GLIS3: variants seen among roughly 807,000 people sequenced by gnomAD.
The protein encoded by GLIS3 is GLIS family zinc finger 3.
GLIS3 carries 53 observed loss-of-function variants against 78.6 expected under a neutral mutation model. The observed-to-expected ratio is 0.67, with a 90% CI of 0.54 to 0.85. GLIS3 has a LOEUF of 0.85. Ranked by LOEUF, GLIS3 falls within the 40% of genes least tolerant of loss-of-function variation. The pLI, the probability that GLIS3 is intolerant of heterozygous loss-of-function variation, is 0.00. For missense variants in GLIS3, 1,703 were observed against 1,231.1 expected, an observed-to-expected ratio of 1.38 and a Z score of -5.74; for synonymous variants, 684 against 509.9, an observed-to-expected ratio of 1.34 and a Z score of -4.60.
At chr9:4,376,823 G>T in the GLIS3 span, among the ~76,000 whole-genome samples, 1 of 135,360 alleles carries the variant, frequency 7.4e-6, no homozygotes, top group African/African-American at 2.6e-5. Context: ...GTTCTGGTGG[G>T]AGAGTATACA....
chr9:4,080,932 G>A (rs553714496), intron 4 of GLIS3, among the ~76,000 whole-genome samples: 1 of 152,278 alleles, frequency 6.6e-6, no homozygotes, highest in African/African-American at 2.4e-5. Flanking sequence ...TGTTTGAGGT[G>A]GGTCTGCTTA....
the GLIS3 span, among the ~76,000 whole-genome samples, chr9:4,456,191 C>G: frequency 1.3e-5 from 2 of 152,182 alleles, no homozygotes; most frequent in African/African-American, 4.8e-5. Flanking sequence ...AATGCACAAA[C>G]TTTAATTTTA....
intron 2 of GLIS3, among the ~76,000 whole-genome samples, chr9:4,336,200 C>T (rs908915120): frequency 6.6e-6 from 1 of 152,230 alleles, no homozygotes; most frequent in African/African-American, 2.4e-5. Flanking sequence ...TCTTGGGAGT[C>T]TCCAAAAAGC....
chr9:3,952,245 G>T (rs1360459748), intron 4 of GLIS3, among the ~76,000 whole-genome samples: 3 of 152,066 alleles, frequency 2.0e-5, no homozygotes. Flanking sequence ...GGGGGAAAAA[G>T]GTTAGTTCAC....
intron 1 of GLIS3, among the ~76,000 whole-genome samples, chr9:4,292,417 C>G (rs1816076403): frequency 6.6e-6 from 1 of 152,100 alleles, no homozygotes; most frequent in Non-Finnish European, 1.5e-5. Context: ...ACGGCCAAAA[C>G]AGTATAAAAG....
the GLIS3 span, among the ~76,000 whole-genome samples, chr9:4,424,417 C>G: frequency 1.3e-5 from 2 of 152,138 alleles, no homozygotes; most frequent in Admixed American, 1.3e-4. Flanking sequence ...CCTGTAAGTA[C>G]CAGGCAACAG....
intron 7 of GLIS3, among the ~76,000 whole-genome samples, chr9:3,885,691 T>C (rs183026082): frequency 1.5e-4 from 23 of 152,314 alleles, no homozygotes; most frequent in African/African-American, 5.3e-4. Context: ...ATGTGAATGG[T>C]GAGTTCAATC....
At chr9:4,150,789 A>C (rs924042934) in intron 2 of GLIS3, among the ~76,000 whole-genome samples, 2 of 152,196 alleles carry the variant, frequency 1.3e-5, no homozygotes, top group African/African-American at 4.8e-5. Context: ...CCAGAGATGT[A>C]AAGTGACTTT....
At chr9:4,103,974 G>A (rs1018156259) in intron 4 of GLIS3, among the ~76,000 whole-genome samples, 1 of 152,124 alleles carries the variant, frequency 6.6e-6, no homozygotes, top group African/African-American at 2.4e-5. Context: ...TTGGTAAACA[G>A]AAATTCACTC....
At chr9:4,038,652 C>G (rs139469627) in intron 4 of GLIS3, among the ~76,000 whole-genome samples, 234 of 152,324 alleles carry the variant, frequency 1.5e-3, no homozygotes, top group African/African-American at 5.5e-3. Flanking sequence ...ACTGTGCTAG[C>G]ATGTTATAAA....
chr9:3,866,065 G>A (rs1196952548), intron 8 of GLIS3, among the ~76,000 whole-genome samples: 1 of 152,128 alleles, frequency 6.6e-6, no homozygotes, highest in East Asian at 1.9e-4. Context: ...TGCCTGCTCT[G>A]GGATACTGTA....
At chr9:4,482,754 T>G in the GLIS3 span, among the ~76,000 whole-genome samples, 1 of 152,068 alleles carries the variant, frequency 6.6e-6, no homozygotes, top group Non-Finnish European at 1.5e-5. Context: ...CTTTAGTAAC[T>G]AACAGGAGAG....
chr9:4,096,009 CAA>C (rs34499061), intron 4 of GLIS3, among the ~76,000 whole-genome samples: 18,184 of 103,632 alleles, frequency 0.18, 853 homozygotes, highest in African/African-American at 0.31. Context: ...GTAACCTATA[CAA>C]AAAAAAAAAA....
chr9:4,354,899 T>G, the GLIS3 span, among the ~76,000 whole-genome samples: 236 of 152,154 alleles, frequency 1.6e-3, no homozygotes, highest in African/African-American at 3.6e-3. Context: ...GGCGGATCAC[T>G]AGGTCAGGAG....
At chr9:4,424,512 TATTGCAAC>T in the GLIS3 span, among the ~76,000 whole-genome samples, 3 of 152,200 alleles carry the variant, frequency 2.0e-5, no homozygotes, top group Non-Finnish European at 4.4e-5. Flanking sequence ...AATACTTGAT[TATTGCAAC>T]ATTCACTGGG....
At chr9:3,831,679 G>A (rs1163821488) in intron 9 of GLIS3, among the ~76,000 whole-genome samples, 2 of 152,204 alleles carry the variant, frequency 1.3e-5, no homozygotes, top group Non-Finnish European at 2.9e-5. Context: ...GACAGAGATT[G>A]CAGCGCTAGT....
At chr9:4,307,920 T>C (rs76232292) in intron 4 of GLIS3, among the ~76,000 whole-genome samples, 6,133 of 152,264 alleles carry the variant, frequency 0.04, 178 homozygotes, top group Middle Eastern at 0.075. Flanking sequence ...AACTGTAAGA[T>C]AGAATTGCGG....
intron 2 of GLIS3, among the ~76,000 whole-genome samples, chr9:4,227,027 T>C: frequency 6.6e-6 from 1 of 152,162 alleles, no homozygotes; most frequent in Admixed American, 6.5e-5. Flanking sequence ...AAACAAGAGT[T>C]CTTGCATGCA....
intron 4 of GLIS3, among the ~76,000 whole-genome samples, chr9:4,006,891 A>G (rs978389810): frequency 2.0e-5 from 3 of 152,240 alleles, no homozygotes; most frequent in African/African-American, 7.2e-5. Context: ...CAATGCTACA[A>G]GGTGACAGAT....
Sources: allele counts gnomAD v4.1 joint callset (sites outside exome capture counted in the v4.1 genomes callset), GRCh38; gene constraint gnomAD v4.1.1; transcripts MANE v1.5; gene names NCBI Gene and HGNC (gene_info 2026-07-23, HGNC 2026-07-21).